Variants in NMT1 observed in about 807,000 individuals in gnomAD.
NMT1 encodes the protein glycylpeptide N-tetradecanoyltransferase 1.
In NMT1, 12 loss-of-function variants were observed where a neutral mutation model predicts 63.4. That is an observed-to-expected ratio of 0.19 (90% confidence interval 0.12 to 0.31). The LOEUF is 0.31. NMT1 is among the 10% of genes least tolerant of loss of function. The pLI is 1.00. For synonymous variants in NMT1, 228 were observed against 234.3 expected, an observed-to-expected ratio of 0.97 and a Z score of 0.25; for missense variants, 432 against 634.6, an observed-to-expected ratio of 0.68 and a Z score of 3.43.
intron 1 of NMT1, among the ~76,000 whole-genome samples, chr17:45,063,204 C>CAAAAAAAAAAAAA (rs5820561): frequency 1.3e-5 from 1 of 79,994 alleles, no homozygotes; most frequent in Non-Finnish European, 2.4e-5. Flanking sequence ...GACTCCGACT[C>CAAAAAAAAAAAAA]AAAAAAAAAA....
intron 2 of NMT1, 140 bp downstream of exon 2, chr17:45,081,892 C>T: frequency 2.9e-6 from 2 of 684,790 alleles, no homozygotes; most frequent in South Asian, 3.9e-5. Context: ...CCAGTGCTGT[C>T]CTCTGCTGCC....
chr17:45,061,343 G>A lies in NMT1; in HGVS notation c.14G>A (p.Ser5Asn), dbSNP rs1314954450. 1.9e-6 allele frequency: 3 copies of A among 1,613,950 alleles called. No individual in the cohort carries two copies. The highest frequency in any genetic ancestry group is 2.2e-5 in the South Asian group (2 of 91,054). ...TCGCAACTCAAGATGGCGGACGAGA[G>A]TGAGACAGCAGTGAAGCCGCCGGCA... MADESETAVKPPAPP... is the reference protein window; with the variant it reads MADENETAVKPPAPP... Residue 5 changes from serine (S) to asparagine (N), a missense_variant, in exon 1 of 12, where the codon AGT (serine) becomes AAT (asparagine). Transcript: ENST00000258960.
At position 45,102,984 on chromosome 17, in the gene NMT1, A is replaced by T; in HGVS notation, c.1027A>T (p.Thr343Ser). ...GACAGCTGGGCTGCGACCAATGGAA[A>T]CAAAGGACATTCCAGTAGTGCACCA... ...PKTAGLRPMETKDIPVVHQLL... is the reference protein window; with the variant it reads ...PKTAGLRPMESKDIPVVHQLL... The change falls in exon 9 of 12, where the codon ACA becomes TCA. Residue 343 changes from threonine to serine, a missense_variant. Coordinates refer to ENST00000258960, the MANE Select transcript of NMT1 (RefSeq NM_021079.5). 1 of 1,613,560 alleles carries T rather than the reference A, an allele frequency of 6.2e-7. No individual in the cohort carries two copies. Among genetic ancestry groups the T allele is most frequent in the Non-Finnish European group, 8.5e-7 (1 of 1,179,514 alleles).
At chr17:45,099,375 C>T (rs1318329241) in intron 7 of NMT1, 30 bp from the exon 8 acceptor site, 3 of 1,501,398 alleles carry the variant, frequency 2.0e-6, no homozygotes, top group South Asian at 2.3e-5. Flanking sequence ...TGGCCAGAAC[C>T]CTGAGGACAG....
rs1167318932 is a variant in NMT1, at chr17:45,106,687, A to G, written c.*1048A>G. 1.3e-5 allele frequency: 2 copies of G among 152,748 alleles called. No homozygotes were observed. Among genetic ancestry groups the G allele is most frequent in the Non-Finnish European group, 2.9e-5 (2 of 68,098 alleles). The allele number at this position is 152,748 out of a possible 1,614,324, so 9.5% of individuals were successfully genotyped here. ...CAATACCCAGACCCCTTCAGCCACC[A>G]GCCCCTGGCCTGTGCCTTCCAACCC... On this transcript the variant is annotated 3_prime_UTR_variant, in exon 12 of 12. Transcript: ENST00000258960.
intron 3 of NMT1, among the ~76,000 whole-genome samples, chr17:45,089,492 C>T (rs2054074741): frequency 6.6e-6 from 1 of 152,030 alleles, no homozygotes; most frequent in Non-Finnish European, 1.5e-5. Flanking sequence ...CAGGTGCCCA[C>T]CACCACGCCC....
At chr17:45,099,763 C>T in intron 8 of NMT1, 1 of 505,274 alleles carries the variant, frequency 2.0e-6, no homozygotes, top group Non-Finnish European at 3.6e-6. Flanking sequence ...TTGAAAGGCT[C>T]AGAGAACACC....
At chr17:45,093,827 C>A (rs2054105523) in intron 4 of NMT1, 24 bp downstream of exon 4, 6 of 1,585,858 alleles carry the variant, frequency 3.8e-6, no homozygotes, top group Admixed American at 1.7e-5. Flanking sequence ...CAGAAGGTTA[C>A]ACCTGCGGGT....
intron 3 of NMT1, 121 bp from the exon 4 acceptor site, chr17:45,093,564 T>C (rs759532168): frequency 1.4e-6 from 1 of 714,372 alleles, no homozygotes; most frequent in Non-Finnish European, 2.3e-6. Context: ...AAGCACAGAA[T>C]GTTCTTCAGA....
rs796189941 is a variant in NMT1, at chr17:45,077,755, A to G, written c.132-3889A>G. Reference sequence around the variant, plus strand: ...CTGAGACTGAAGTGAAAATATCTGGAGTAGGAAAACCACAGAGTTGTCCTA... The same window carrying G: ...CTGAGACTGAAGTGAAAATATCTGGGGTAGGAAAACCACAGAGTTGTCCTA... On this transcript the variant is annotated intron_variant, in intron 1 of 11. Coordinates refer to ENST00000258960, the MANE Select transcript of NMT1 (RefSeq NM_021079.5). 8.5e-5 allele frequency among the ~76,000 whole-genome samples: 13 copies of G among 152,300 alleles called. 2 individuals carry two copies. The highest frequency in any genetic ancestry group is 2.6e-4 in the African/African-American group (11 of 41,568).
chr17:45,064,918 A>G (rs2053891842), intron 1 of NMT1, among the ~76,000 whole-genome samples: 2 of 152,262 alleles, frequency 1.3e-5, no homozygotes, highest in Admixed American at 1.3e-4. Context: ...ATGAGATAAC[A>G]TCTGGAATGC....
At chr17:45,091,253 G>A (rs2054086113) in intron 3 of NMT1, among the ~76,000 whole-genome samples, 2 of 126,302 alleles carry the variant, frequency 1.6e-5, no homozygotes, top group South Asian at 2.8e-4. Flanking sequence ...ATAGCACCCT[G>A]TACTTCATTC....
rs1316531843 is a variant in NMT1 at position 45,103,195 on chromosome 17, A to G, written c.1164+74A>G. ...CACCCCCCTGAGTGGCCGGGTTCCC[A>G]GGGCTCGAGTGTTGGCACCTTAGAC... On this transcript the variant is annotated intron_variant, in intron 9 of 11. Transcript: ENST00000258960. This position sits in a 1 kb window ranked among gnomAD's most constrained non-coding sequence, Gnocchi z 4.8. The G allele has an allele frequency of 3.4e-6, 5 of 1,454,980 alleles. No individual in the cohort carries two copies. Among genetic ancestry groups the G allele is most frequent in the Admixed American group, 3.6e-5 (2 of 55,882 alleles). 90.1% of individuals were successfully genotyped at this position (1,454,980 alleles called of 1,614,324 possible). A position where few individuals can be genotyped will look rare whatever the true frequency, so the allele number is the denominator to read the frequency against.
chr17:45,088,293 T>C (rs896913905), intron 3 of NMT1, among the ~76,000 whole-genome samples: 8 of 152,356 alleles, frequency 5.3e-5, no homozygotes, highest in Admixed American at 3.3e-4. Context: ...GAGCCACACA[T>C]CTCACCTCTG....
chr17:45,072,750 G>A (rs1326173355), intron 1 of NMT1, among the ~76,000 whole-genome samples: 1 of 150,340 alleles, frequency 6.7e-6, no homozygotes, highest in Non-Finnish European at 1.5e-5. Flanking sequence ...TAGTAGAGAC[G>A]GGGTTTCACC....
At chr17:45,075,120 G>A (rs1259483029) in intron 1 of NMT1, among the ~76,000 whole-genome samples, 1 of 152,160 alleles carries the variant, frequency 6.6e-6, no homozygotes, top group Non-Finnish European at 1.5e-5. Flanking sequence ...GGCAGGAGCT[G>A]GAGGCTGCAG....
At chr17:45,064,428 T>C (rs1028288557) in intron 1 of NMT1, among the ~76,000 whole-genome samples, 2 of 152,136 alleles carry the variant, frequency 1.3e-5, no homozygotes, top group African/African-American at 4.8e-5. Context: ...AGAGTCAACA[T>C]TTTTCCATGA....
intron 1 of NMT1, among the ~76,000 whole-genome samples, chr17:45,079,190 A>C (rs112809819): frequency 0.11 from 16,470 of 150,156 alleles, 1,004 homozygotes; most frequent in Middle Eastern, 0.18. Context: ...CTGCAACCAC[A>C]GCCTCCCGGG....
chr17:45,098,774 C>G (rs1481486626), intron 7 of NMT1: 7 of 495,930 alleles, frequency 1.4e-5, no homozygotes, highest in Non-Finnish European at 2.5e-5. Flanking sequence ...CTGGAGGGCT[C>G]TTGGTGTCTG....
Sources: allele counts gnomAD v4.1 joint callset (sites outside exome capture counted in the v4.1 genomes callset), GRCh38; gene constraint gnomAD v4.1.1; non-coding constraint Gnocchi (gnomAD v3.1); transcripts MANE v1.5; gene names NCBI Gene and HGNC (gene_info 2026-07-23, HGNC 2026-07-21).